Variants in CLDN18 observed in about 807,000 individuals in gnomAD.
The protein encoded by CLDN18 is claudin 18, also known as claudin-18.
A neutral mutation model predicts 25.0 loss-of-function variants in CLDN18; 20 were observed. The observed-to-expected ratio is 0.80, with a 90% confidence interval of 0.56 to 1.16. The LOEUF (loss-of-function observed/expected upper bound fraction) is 1.16. Among genes scored for constraint, CLDN18 ranks in the 50% most tolerant of loss-of-function variants. CLDN18 has a pLI of 0.00. For synonymous variants in CLDN18, 125 were observed against 135.6 expected (o/e 0.92, Z 0.54); for missense variants, 297 against 345.4 (o/e 0.86, Z 1.11).
intron 3 of CLDN18, among the ~76,000 whole-genome samples, chr3:138,029,337 G>T (rs773840736): frequency 5.9e-4 from 90 of 151,988 alleles, no homozygotes; most frequent in Non-Finnish European, 3.5e-4. Context: ...GTAGAGACAG[G>T]GTTTCACCAT....
rs543651546 is a variant in CLDN18 at position 138,001,174 on chromosome 3, C to G, written c.220+2086C>G. ...GATGTAGCCAGAGCTAAAACCCTGT[C>G]CTGTCCGCACCTAAGCCCTGGCTTG... On this transcript the variant is annotated intron_variant, in intron 1 of 4. Transcript: ENST00000343735. 2.6e-5 allele frequency among the ~76,000 whole-genome samples: 4 copies of G among 152,374 alleles called. No homozygotes were observed. In the East Asian group the frequency reaches 7.7e-4, roughly 29 times the overall value.
At chr3:138,021,212 C>T (rs992869777) in intron 1 of CLDN18, among the ~76,000 whole-genome samples, 1 of 152,092 alleles carries the variant, frequency 6.6e-6, no homozygotes, top group African/African-American at 2.4e-5. Flanking sequence ...AGCCCTTTGC[C>T]TACAGCCCTA....
chr3:138,026,284 C>T (rs1325372625), intron 3 of CLDN18, among the ~76,000 whole-genome samples: 3 of 152,224 alleles, frequency 2.0e-5, no homozygotes, highest in African/African-American at 7.2e-5. Flanking sequence ...TCACACTGTA[C>T]ACAGTCTGCA....
At chr3:138,029,742 G>A (rs1016211370) in intron 3 of CLDN18, 55 bp from the exon 4 acceptor site, 4 of 1,080,956 alleles carry the variant, frequency 3.7e-6, no homozygotes, top group Admixed American at 2.7e-5. Context: ...GGTGCAGTGG[G>A]TGGAGCCTGG....
rs767208390 is a variant in CLDN18, at chr3:138,023,800, C to T, written c.363C>T (p.Ser121=). 162 of 1,613,108 alleles carry T rather than the reference C, an allele frequency of 1.0e-4. 3 individuals are homozygous for T. The South Asian group carries it at 1.3e-3, about 13-fold the overall frequency. ...DSAKANMTLT[S]GIMFIVSGLC... is the part of the protein sequence containing the mutation. Reference sequence around the variant, plus strand: ...CCAAAGCCAACATGACACTGACCTCCGGGATCATGTTCATTGTCTCAGGTA... The same window carrying T: ...CCAAAGCCAACATGACACTGACCTCTGGGATCATGTTCATTGTCTCAGGTA... Residue 121 remains serine, a synonymous_variant, in exon 2 of 5, where the codon TCC becomes TCT. Coordinates refer to ENST00000183605, the MANE Select transcript of CLDN18 (RefSeq NM_016369.4).
intron 3 of CLDN18, among the ~76,000 whole-genome samples, chr3:138,026,802 C>T (rs1247305901): frequency 6.6e-6 from 1 of 152,134 alleles, no homozygotes; most frequent in Non-Finnish European, 1.5e-5. Flanking sequence ...CAAGCACGGG[C>T]GTGATTTCAG....
chr3:138,010,196 T>C lies in CLDN18; in HGVS notation c.-30T>C. 2 of 1,604,682 alleles carry C rather than the reference T, an allele frequency of 1.2e-6. No homozygotes were observed. Among genetic ancestry groups the C allele is most frequent in the Non-Finnish European group, 1.7e-6 (2 of 1,175,222 alleles). ...TCGGCAGCAGGAGGGCGGCAGCTTC[T>C]CGCAGGCGGCAGGGCGGGCGGCCAG... On this transcript the variant is annotated 5_prime_UTR_variant, in exon 1 of 5. Coordinates refer to ENST00000183605, the MANE Select transcript of CLDN18 (RefSeq NM_016369.4).
In CLDN18 at chr3:138,029,844, T is replaced by A. The variant is rs1335744033; in HGVS notation, c.551T>A (p.Leu184His). 6.3e-7 allele frequency: 1 copy of A among 1,596,640 alleles called. No individual in the cohort carries two copies. The change falls in exon 4 of 5, where the codon CTC becomes CAC. Residue 184 changes from leucine to histidine, a missense_variant. By Grantham distance (99) the Leu-to-His change is moderately conservative. Coordinates refer to ENST00000183605, the MANE Select transcript of CLDN18 (RefSeq NM_016369.4). Reference sequence around the variant, plus strand: ...TTCGTGGGCTGGGTCGCTGGAGGCCTCACACTAATTGGGGGTGTGATGATG... The same window carrying A: ...TTCGTGGGCTGGGTCGCTGGAGGCCACACACTAATTGGGGGTGTGATGATG... The part of the protein sequence containing the change: ...ALFVGWVAGG[L>H]TLIGGVMMCI...
At chr3:138,025,109 G>T (rs997731792) in intron 3 of CLDN18, among the ~76,000 whole-genome samples, 1 of 152,224 alleles carries the variant, frequency 6.6e-6, no homozygotes, top group Non-Finnish European at 1.5e-5. Context: ...CGTTTGAATA[G>T]AAATTAGCAA....
At chr3:138,027,972 C>A in intron 3 of CLDN18, among the ~76,000 whole-genome samples, 1 of 152,172 alleles carries the variant, frequency 6.6e-6, no homozygotes, top group East Asian at 1.9e-4. Flanking sequence ...TAAATGTTCT[C>A]CCAGAACTTT....
rs117854554 is a variant in CLDN18 at position 138,002,753 on chromosome 3, G to C, written c.220+3665G>C. Among the ~76,000 whole-genome samples the C allele has an allele frequency of 1.3e-3, 196 of 152,274 alleles. 8 individuals carry two copies. In the East Asian group the frequency reaches 0.036, roughly 28 times the overall value. Reference sequence around the variant, plus strand: ...GAGAAACCCTAGGCATAGAACTGGTGGTCACCTTCCTGGGCAAAGTCATTT... The same window carrying C: ...GAGAAACCCTAGGCATAGAACTGGTCGTCACCTTCCTGGGCAAAGTCATTT... On this transcript the variant is annotated intron_variant, in intron 1 of 4. Coordinates refer to the CLDN18 transcript ENST00000343735.
intron 1 of CLDN18, among the ~76,000 whole-genome samples, chr3:137,999,750 G>T (rs1195014623): frequency 1.3e-5 from 2 of 152,186 alleles, no homozygotes; most frequent in African/African-American, 4.8e-5. Flanking sequence ...GAAAGGTATT[G>T]CAGGCTGCCG....
At chr3:138,004,001 G>A (rs1321393641) in intron 1 of CLDN18, among the ~76,000 whole-genome samples, 3 of 152,048 alleles carry the variant, frequency 2.0e-5, no homozygotes, top group African/African-American at 7.2e-5. Context: ...GTGAAACCCT[G>A]TCTCTACTAA....
intron 1 of CLDN18, among the ~76,000 whole-genome samples, chr3:138,013,714 T>A (rs1326819933): frequency 6.6e-6 from 1 of 152,140 alleles, no homozygotes; most frequent in African/African-American, 2.4e-5. Flanking sequence ...CACACTAATT[T>A]CAGTTCTGCC....
upstream of CLDN18, among the ~76,000 whole-genome samples, chr3:138,007,761 G>T (rs1279561947): frequency 6.6e-6 from 1 of 152,192 alleles, no homozygotes; most frequent in Non-Finnish European, 1.5e-5. Flanking sequence ...TCTGTCTATG[G>T]AAACAGTGGT....
intron 1 of CLDN18, among the ~76,000 whole-genome samples, chr3:138,002,368 C>T (rs1459312617): frequency 1.3e-5 from 2 of 152,290 alleles, no homozygotes; most frequent in Non-Finnish European, 2.9e-5. Context: ...TGACCAAAGA[C>T]AGGCCTGTGA....
upstream of CLDN18, among the ~76,000 whole-genome samples, chr3:138,007,548 CG>C (rs1438725536): frequency 5.7e-5 from 1 of 17,636 alleles, no homozygotes; most frequent in Non-Finnish European, 1.1e-4. Flanking sequence ...TGTCGGGGGT[CG>C]GGGGGGTGAG....
intron 2 of CLDN18, among the ~76,000 whole-genome samples, chr3:138,024,102 G>A (rs1030365149): frequency 6.6e-6 from 1 of 151,850 alleles, no homozygotes; most frequent in Non-Finnish European, 1.5e-5. Context: ...CTTGAGTCCG[G>A]GAGTTCAAGA....
At chr3:138,015,194 A>G (rs2107881208) in intron 1 of CLDN18, among the ~76,000 whole-genome samples, 1 of 152,332 alleles carries the variant, frequency 6.6e-6, no homozygotes, top group Non-Finnish European at 1.5e-5. Flanking sequence ...CAGGAAGATT[A>G]CCAGGAGGAA....
Sources: gnomAD v4.1 joint callset for allele counts (sites outside exome capture counted in the v4.1 genomes callset) on GRCh38, gnomAD v4.1.1 for gene constraint, MANE v1.5 for transcripts, NCBI Gene and HGNC (gene_info 2026-07-23, HGNC 2026-07-21) for gene names.